Variants in SFMBT1 observed in about 807,000 individuals in gnomAD.
SFMBT1 encodes the protein Scm like with four mbt domains 1, also known as scm-like with four MBT domains protein 1.
SFMBT1 carries 32 observed loss-of-function variants against 108.7 expected under a neutral mutation model. That is an observed-to-expected ratio of 0.29 (90% CI 0.22 to 0.40). The LOEUF (loss-of-function observed/expected upper bound fraction) is 0.40, where lower values mean the gene tolerates loss of function less well. Among genes scored for constraint, SFMBT1 ranks in the 10% least tolerant of loss-of-function variants. The probability of loss-of-function intolerance (pLI) is 1.00; values close to 1 mark genes in which losing one functional copy is unlikely to be tolerated. For missense variants in SFMBT1, 816 were observed against 1,059.6 expected, an observed-to-expected ratio of 0.77 and a Z score of 3.19; for synonymous variants, 348 against 369.5, an observed-to-expected ratio of 0.94 and a Z score of 0.67.
intron 2 of SFMBT1, among the ~76,000 whole-genome samples, chr3:52,967,003 C>A (rs558690867): frequency 1.7e-4 from 26 of 150,484 alleles, no homozygotes; most frequent in Non-Finnish European, 2.8e-4. Context: ...ATAAGTGCTA[C>A]AAGAGGATAT....
chr3:52,966,164 A>G (rs1704134981), intron 2 of SFMBT1, among the ~76,000 whole-genome samples: 1 of 143,624 alleles, frequency 7.0e-6, no homozygotes, highest in Non-Finnish European at 1.5e-5. Context: ...AAAAATACAA[A>G]AAATTTGCCG....
chr3:53,025,614 TAAAAA>T (rs1031374834), intron 1 of SFMBT1, among the ~76,000 whole-genome samples: 14 of 151,492 alleles, frequency 9.2e-5, no homozygotes, highest in African/African-American at 3.4e-4. Flanking sequence ...AACCCCGTCT[TAAAAA>T]AAGAAAAAAA....
rs144482295 is a variant in SFMBT1, at chr3:53,009,320, T to C, written c.-131+36496A>G. On this transcript the variant is annotated intron_variant, in intron 1 of 20. Transcript: ENST00000394752. ...AATTAGCCCAGTGCATGGTGACATA[T>C]GCCTGTAATCTCAGCTACTCGGGAG... 3.0e-3 allele frequency among the ~76,000 whole-genome samples: 449 copies of C among 152,058 alleles called. 1 individual carries two copies. Among genetic ancestry groups the C allele is most frequent in the African/African-American group, 0.01 (431 of 41,496 alleles).
At chr3:53,019,014 T>A (rs1347364932) in intron 1 of SFMBT1, 3 of 152,206 alleles carry the variant, frequency 2.0e-5, no homozygotes, top group Non-Finnish European at 4.4e-5. Flanking sequence ...GCTATAAATA[T>A]TATCGATACT....
rs367727549 is a variant in SFMBT1, at chr3:52,945,136, T to TAAA, written c.124-1546_124-1544dup. On this transcript the variant is annotated intron_variant, in intron 3 of 20. Coordinates refer to ENST00000394752, the MANE Select transcript of SFMBT1 (RefSeq NM_016329.4). ...TGATTTCCAAATACCACCTTCCAATTAAAAAAAAAAAAAAACAAGGACTTC... is the reference window on the plus strand; with the variant it reads ...TGATTTCCAAATACCACCTTCCAATTAAAAAAAAAAAAAAAAAACAAGGACTTC... 3.0e-3 allele frequency among the ~76,000 whole-genome samples: 147 copies of TAAA among 48,536 alleles called. 31 individuals carry two copies. The highest frequency in any genetic ancestry group is 0.014 in the South Asian group (11 of 774). The allele number at this position is 48,536 out of a possible 152,430, so 31.8% of individuals were successfully genotyped here.
At chr3:53,003,543 T>C (rs1023827128) in intron 1 of SFMBT1, among the ~76,000 whole-genome samples, 3 of 150,016 alleles carry the variant, frequency 2.0e-5, no homozygotes, top group Non-Finnish European at 4.5e-5. Context: ...CGTTTTTCCG[T>C]ATGCTCAAAT....
At position 52,907,195 on chromosome 3, in the gene SFMBT1, C is replaced by T. The variant is rs1330393668; in HGVS notation, c.2205G>A (p.Lys735=). The change falls in exon 19 of 21, where the codon AAG becomes AAA. Residue 735 remains lysine (K), a synonymous_variant. Coordinates refer to ENST00000394752, the MANE Select transcript of SFMBT1 (RefSeq NM_016329.4). ...LQEESEMSEK[K]SCSSSPTQSE... ...TTTGGGTGGGAGAAGAGGAGCATGA[C>T]TTTTTTTCTGACATTTCTGATTCTT... is the stretch of plus-strand genomic sequence containing the variant. The T allele has an allele frequency of 6.2e-7, 1 of 1,613,988 alleles. No homozygotes were observed. Among genetic ancestry groups the T allele is most frequent in the Admixed American group, 1.7e-5 (1 of 60,006 alleles).
intron 1 of SFMBT1, among the ~76,000 whole-genome samples, chr3:52,999,085 A>T (rs1444264302): frequency 6.6e-6 from 1 of 150,788 alleles, no homozygotes; most frequent in Non-Finnish European, 1.5e-5. Context: ...CTCTTCACCC[A>T]AGGCCTGCGC....
chr3:52,966,527 A>C (rs1704154644), intron 2 of SFMBT1, among the ~76,000 whole-genome samples: 1 of 143,226 alleles, frequency 7.0e-6, no homozygotes, highest in East Asian at 2.2e-4. Context: ...TGGGAGGCTG[A>C]GGCAGGAGAA....
intron 1 of SFMBT1, among the ~76,000 whole-genome samples, chr3:53,005,500 T>C (rs1020994391): frequency 5.9e-5 from 9 of 152,236 alleles, no homozygotes; most frequent in South Asian, 2.1e-4. Context: ...AGAAACAGGA[T>C]TGGGTCTCAC....
rs1431293113 is a variant in SFMBT1, at chr3:52,997,522, CGA to C, written c.-130-28266_-130-28265del. Among the ~76,000 whole-genome samples, 39 of 147,514 alleles carry C rather than the reference CGA, an allele frequency of 2.6e-4. 1 individual carries two copies. The highest frequency in any genetic ancestry group is 8.9e-4 in the African/African-American group (36 of 40,526). ...CTGCACTCCAGCCTGGGTGACAGAG[CGA>C]GAGTCCATCTCAAAAAAAAAAAGAA... On this transcript the variant is annotated intron_variant, in intron 1 of 20. Coordinates refer to ENST00000394752, the MANE Select transcript of SFMBT1 (RefSeq NM_016329.4).
At chr3:53,001,920 G>GTC (rs780876209) in intron 1 of SFMBT1, among the ~76,000 whole-genome samples, 2,326 of 61,760 alleles carry the variant, frequency 0.038, 124 homozygotes, top group African/African-American at 0.089. Flanking sequence ...GCAAGACCCA[G>GTC]TCTCTCACAC....
In SFMBT1 at chr3:52,923,234, G is replaced by A. The variant is rs193001317; in HGVS notation, c.1132-1403C>T. On this transcript the variant is annotated intron_variant, in intron 10 of 20. Coordinates refer to ENST00000394752, the MANE Select transcript of SFMBT1 (RefSeq NM_016329.4). Reference sequence around the variant, plus strand: ...TGTGTGGGGGGTGGATTAATTAACAGCCTCTGAGAGATAAGAAAAACTATT... The same window carrying A: ...TGTGTGGGGGGTGGATTAATTAACAACCTCTGAGAGATAAGAAAAACTATT... Among the ~76,000 whole-genome samples, 88 of 152,240 alleles carry A rather than the reference G, an allele frequency of 5.8e-4. 1 individual carries two copies. The highest frequency in any genetic ancestry group is 2.1e-3 in the Admixed American group (32 of 15,278).
At chr3:52,947,156 C>G (rs1354272996) in intron 3 of SFMBT1, among the ~76,000 whole-genome samples, 1 of 147,778 alleles carries the variant, frequency 6.8e-6, no homozygotes, top group Admixed American at 6.9e-5. Flanking sequence ...CTCACTCTGT[C>G]GCACAGGCTG....
chr3:53,007,668 A>G (rs1194239167), intron 1 of SFMBT1, among the ~76,000 whole-genome samples: 3 of 152,266 alleles, frequency 2.0e-5, no homozygotes, highest in African/African-American at 7.2e-5. Flanking sequence ...AAAAAACATG[A>G]GTTCATATTG....
At chr3:53,045,332 C>T (rs1423010492) in intron 1 of SFMBT1, 1 of 143,918 alleles carries the variant, frequency 6.9e-6, no homozygotes, top group African/African-American at 2.5e-5. Context: ...CGGAGCGAGC[C>T]CGGGGGGCGG....
intron 1 of SFMBT1, among the ~76,000 whole-genome samples, chr3:53,002,990 C>A (rs989945987): frequency 9.4e-5 from 14 of 148,854 alleles, no homozygotes; most frequent in African/African-American, 3.4e-4. Flanking sequence ...GGTATGGTAG[C>A]ACATGCTTGT....
chr3:53,021,695 G>A (rs1351815775), intron 1 of SFMBT1, among the ~76,000 whole-genome samples: 1 of 152,110 alleles, frequency 6.6e-6, no homozygotes, highest in African/African-American at 2.4e-5. Flanking sequence ...CACCTGCTCT[G>A]TGTCACAGCC....
At chr3:53,003,759 C>CAAA (rs370165165) in intron 1 of SFMBT1, among the ~76,000 whole-genome samples, 15 of 81,902 alleles carry the variant, frequency 1.8e-4, no homozygotes, top group African/African-American at 2.1e-4. Flanking sequence ...ATAGAAAGGT[C>CAAA]AAAAAAAAAA....
Sources: allele counts gnomAD v4.1 joint callset (sites outside exome capture counted in the v4.1 genomes callset), GRCh38; gene constraint gnomAD v4.1.1; transcripts MANE v1.5; gene names NCBI Gene and HGNC (gene_info 2026-07-23, HGNC 2026-07-21).